TRUB2: variants seen among roughly 807,000 people sequenced by gnomAD.
TRUB2 encodes the protein pseudouridylate synthase TRUB2, mitochondrial.
In TRUB2, 31 loss-of-function variants were observed where a neutral mutation model predicts 31.9. The observed-to-expected ratio is 0.97, with a 90% confidence interval of 0.73 to 1.31. The LOEUF (loss-of-function observed/expected upper bound fraction) is 1.31, where lower values mean the gene tolerates loss of function less well. Among genes scored for constraint, TRUB2 ranks in the 50% most tolerant of loss-of-function variants. TRUB2 has a pLI of 0.00. For synonymous variants in TRUB2, 201 were observed against 182.6 expected, an observed-to-expected ratio of 1.10 and a Z score of -0.81; for missense variants, 451 against 439.6, an observed-to-expected ratio of 1.03 and a Z score of -0.23.
chr9:128,310,817 A>C, intron 7 of TRUB2, 70 bp downstream of exon 7: 2 of 1,593,154 alleles, frequency 1.3e-6, no homozygotes, highest in Non-Finnish European at 1.7e-6. Context: ...GACCTCTGCA[A>C]GAGCGTTCCT....
Position 128,311,496 on chromosome 9 carries a change from C to T in TRUB2, c.533+33G>A, listed in dbSNP as rs1381659565. The T allele has an allele frequency of 4.3e-6, 7 of 1,609,894 alleles. No individual in the cohort carries two copies. The Admixed American group carries it at 5.0e-5, about 11-fold the overall frequency. On this transcript the variant is annotated intron_variant, in intron 6 of 7. Transcript: ENST00000372890. ...CTACGGGAGCCAAGGGCACTTACTG[C>T]TCTCCCAGTACCTCCCTGAGGGCCC...
At position 128,309,360 on chromosome 9, in the gene TRUB2, T is replaced by G. The variant is rs1263408131; in HGVS notation, c.*190A>C. The G allele has an allele frequency of 2.3e-5, 14 of 615,454 alleles. No individual in the cohort carries two copies. Among genetic ancestry groups the G allele is most frequent in the Non-Finnish European group, 2.0e-5 (7 of 354,652 alleles). The allele number at this position is 615,454 out of a possible 1,614,324, so 38.1% of individuals were successfully genotyped here. The stretch of plus-strand genomic sequence containing the variant: ...CTTTCTATCAGTCTGTCATGTTTAC[T>G]GTCTTTTCCTCCATACAGAAGTTTT... On this transcript the variant is annotated 3_prime_UTR_variant, in exon 8 of 8. Transcript: ENST00000372890.
rs1329440418 is a variant in TRUB2, at chr9:128,309,946, C to G, written c.671-71G>C. On this transcript the variant is annotated intron_variant, in intron 7 of 7. Coordinates refer to ENST00000372890, the MANE Select transcript of TRUB2 (RefSeq NM_015679.3). ...TCTAGTGTGTGGTTGTGAACGCACA[C>G]CCCTTGGATACCTCCTAGGTGTGTA... 4 of 1,504,664 alleles carry G rather than the reference C, an allele frequency of 2.7e-6. No homozygotes were observed. In the African/African-American group the frequency reaches 5.5e-5, roughly 21 times the overall value. 93.2% of individuals were successfully genotyped at this position (1,504,664 alleles called of 1,614,324 possible).
rs1011307836 is a variant in TRUB2, at chr9:128,315,416, T to C, written c.378+151A>G. On this transcript the variant is annotated intron_variant, in intron 4 of 7. Coordinates refer to ENST00000372890, the MANE Select transcript of TRUB2 (RefSeq NM_015679.3). ...CACTGGTAGTTATTATTGTTATTAT[T>C]ATTACAGCCCCTGCACAGCACACGA... The C allele has an allele frequency of 4.5e-6, 3 of 666,732 alleles. No individual in the cohort carries two copies. The African/African-American group carries it at 5.4e-5, about 12-fold the overall frequency. 41.3% of individuals were successfully genotyped at this position (666,732 alleles called of 1,614,324 possible). A position where few individuals can be genotyped will look rare whatever the true frequency, so the allele number is the denominator to read the frequency against.
At position 128,309,882 on chromosome 9, in the gene TRUB2, G is replaced by T; in HGVS notation, c.671-7C>A. 1 of 1,611,782 alleles carries T rather than the reference G, an allele frequency of 6.2e-7. No homozygotes were observed. Among genetic ancestry groups the T allele is most frequent in the South Asian group, 1.1e-5 (1 of 90,840 alleles). ...TCATGCATGCACTGCACCTCTGCCA[G>T]GGACACACAATGACAGACATGGTGG... On this transcript the variant is annotated splice_polypyrimidine_tract_variant and splice_region_variant and intron_variant, in intron 7 of 7. Coordinates refer to ENST00000372890, the MANE Select transcript of TRUB2 (RefSeq NM_015679.3).
chr9:128,318,232 T>C (rs1252072699), intron 2 of TRUB2, among the ~76,000 whole-genome samples: 2 of 152,088 alleles, frequency 1.3e-5, no homozygotes, highest in African/African-American at 4.8e-5. Context: ...TAATCCCAGC[T>C]ACTTGGGAGG....
In TRUB2 at chr9:128,311,515, AG is replaced by A; in HGVS notation, c.533+13del. On this transcript the variant is annotated intron_variant, in intron 6 of 7. Coordinates refer to ENST00000372890, the MANE Select transcript of TRUB2 (RefSeq NM_015679.3). ...TTACTGCTCTCCCAGTACCTCCCTG[AG>A]GGCCCTACTCACATCACCAGGGCCT... The A allele has an allele frequency of 6.2e-7, 1 of 1,613,850 alleles. No homozygotes were observed. Among genetic ancestry groups the A allele is most frequent in the Non-Finnish European group, 8.5e-7 (1 of 1,179,778 alleles).
chr9:128,309,153 A>AT lies in TRUB2; in HGVS notation c.*396dup, dbSNP rs111806731. On this transcript the variant is annotated 3_prime_UTR_variant, in exon 8 of 8. Transcript: ENST00000372890. Reference sequence around the variant, plus strand: ...TTCGTGGGCACATAGTTTATTGAGAATTTTTTTTTTTTTGAGATGGCAGGG... The same window carrying AT: ...TTCGTGGGCACATAGTTTATTGAGAATTTTTTTTTTTTTTGAGATGGCAGGG... 1,579 of 163,246 alleles carry AT rather than the reference A, an allele frequency of 9.7e-3. 3 individuals carry two copies. The highest frequency in any genetic ancestry group is 0.015 in the African/African-American group (599 of 40,540). The allele number at this position is 163,246 out of a possible 1,614,324, so 10.1% of individuals were successfully genotyped here.
intron 2 of TRUB2, among the ~76,000 whole-genome samples, chr9:128,319,199 G>GC (rs1832119768): frequency 6.6e-6 from 1 of 151,932 alleles, no homozygotes; most frequent in South Asian, 2.1e-4. Flanking sequence ...GGTGGCGGGC[G>GC]CCTGTAGTCC....
intron 2 of TRUB2, among the ~76,000 whole-genome samples, chr9:128,319,903 GCCA>G (rs1266286702): frequency 2.0e-5 from 3 of 149,160 alleles, no homozygotes; most frequent in Non-Finnish European, 3.0e-5. Context: ...ACAGGCGTGA[GCCA>G]CCACACCTGG....
intron 5 of TRUB2, among the ~76,000 whole-genome samples, chr9:128,312,264 A>T (rs1367678262): frequency 6.7e-6 from 1 of 150,222 alleles, no homozygotes; most frequent in East Asian, 2.0e-4. Flanking sequence ...CAGCCTCCTG[A>T]AAAGCTAGGA....
intron 7 of TRUB2, 42 bp downstream of exon 7, chr9:128,310,845 A>G (rs1831954814): frequency 6.2e-7 from 1 of 1,611,520 alleles, no homozygotes; most frequent in Non-Finnish European, 8.5e-7. Flanking sequence ...TCCCAAACCT[A>G]CGGGTCCCAT....
intron 2 of TRUB2, among the ~76,000 whole-genome samples, chr9:128,320,773 A>G (rs752074425): frequency 6.6e-6 from 1 of 151,844 alleles, no homozygotes; most frequent in African/African-American, 2.4e-5. Context: ...CTTCCCATAT[A>G]TTTTAAATCA....
In TRUB2 at chr9:128,321,603, T is replaced by G; in HGVS notation, c.237A>C (p.Pro79=). The change falls in exon 2 of 8, where the codon CCA becomes CCC. Residue 79 remains proline, a synonymous_variant. Coordinates refer to ENST00000372890, the MANE Select transcript of TRUB2 (RefSeq NM_015679.3). ...TCCTGCTTAAATCTGCCTTACCCAG[T>G]GGATGGTTGATGAAAGAGGGTACGC... ...ATSVPSFINH[P]LVCGPAFAHL... The G allele has an allele frequency of 1.2e-6, 2 of 1,613,922 alleles. No homozygotes were observed. The highest frequency in any genetic ancestry group is 1.7e-6 in the Non-Finnish European group (2 of 1,179,930).
At chr9:128,311,130 G>A in intron 6 of TRUB2, 107 bp from the exon 7 acceptor site, 1 of 1,472,300 alleles carries the variant, frequency 6.8e-7, no homozygotes, top group East Asian at 2.3e-5. Context: ...CTGCCACCGT[G>A]GCTCCTCCAG....
intron 2 of TRUB2, among the ~76,000 whole-genome samples, chr9:128,320,659 T>C (rs1832150227): frequency 6.6e-6 from 1 of 152,014 alleles, no homozygotes. Flanking sequence ...GAAGTAGGGT[T>C]TCCCCATGTT....
chr9:128,311,565 GCCAGAATGCGGT>G lies in TRUB2; in HGVS notation c.485_496del (p.Asp162_Leu165del). ...CTTCTGATGGGAGCCTTGGATAACGGCCAGAATGCGGTCCAGCTTCTCTCTGGTCACGTGGTC... is the reference window on the plus strand; with the variant it reads ...CTTCTGATGGGAGCCTTGGATAACGGCCAGCTTCTCTCTGGTCACGTGGTC... On this transcript the variant is annotated inframe_deletion, in exon 6 of 8. Coordinates refer to ENST00000372890, the MANE Select transcript of TRUB2 (RefSeq NM_015679.3). 1 of 1,614,082 alleles carries G rather than the reference GCCAGAATGCGGT, an allele frequency of 6.2e-7. No homozygotes were observed. Among genetic ancestry groups the G allele is most frequent in the Non-Finnish European group, 8.5e-7 (1 of 1,179,994 alleles).
intron 3 of TRUB2, 85 bp from the exon 4 acceptor site, chr9:128,315,713 T>C: frequency 6.9e-7 from 1 of 1,445,186 alleles, no homozygotes; most frequent in Non-Finnish European, 9.5e-7. Flanking sequence ...ACCATCAGAA[T>C]ACTCCCTTTT....
At position 128,313,931 on chromosome 9, in the gene TRUB2, C is replaced by T. The variant is rs2131447303; in HGVS notation, c.379-42G>A. 3 of 1,596,232 alleles carry T rather than the reference C, an allele frequency of 1.9e-6. No individual in the cohort carries two copies. In the South Asian group the frequency reaches 3.3e-5, roughly 18 times the overall value. On this transcript the variant is annotated intron_variant, in intron 4 of 7. Coordinates refer to ENST00000372890, the MANE Select transcript of TRUB2 (RefSeq NM_015679.3). ...GTAAAGATCCGTCAGTGACCCCATTCTAAGCCCTAGTAGCCCCTGCCCCAG... is the reference window on the plus strand; with the variant it reads ...GTAAAGATCCGTCAGTGACCCCATTTTAAGCCCTAGTAGCCCCTGCCCCAG...
Sources: allele counts gnomAD v4.1 joint callset (sites outside exome capture counted in the v4.1 genomes callset), GRCh38; gene constraint gnomAD v4.1.1; transcripts MANE v1.5; gene names NCBI Gene and HGNC (gene_info 2026-07-23, HGNC 2026-07-21).